The following CDH13 variants were observed in gnomAD, a reference collection of about 807,000 sequenced individuals.
CDH13 encodes the protein cadherin 13, also known as cadherin-13.
CDH13 carries 24 observed loss-of-function variants against 63.8 expected under a neutral mutation model. The ratio of observed to expected loss-of-function variants is 0.38; its 90% CI spans 0.27 to 0.53. CDH13 has a LOEUF of 0.53. CDH13 is among the 20% of genes least tolerant of loss of function. CDH13 has a pLI of 0.85. For synonymous variants in CDH13, 503 were observed against 355.3 expected, an observed-to-expected ratio of 1.42 and a Z score of -4.67; for missense variants, 1,049 against 903.1, an observed-to-expected ratio of 1.16 and a Z score of -2.07.
At position 83,287,192 on chromosome 16, in the gene CDH13, A is replaced by C. The variant is rs376404061; in HGVS notation, c.637-57670A>C. 7.2e-5 allele frequency among the ~76,000 whole-genome samples: 11 copies of C among 152,338 alleles called. No homozygotes were observed. The East Asian group carries it at 1.9e-3, about 27-fold the overall frequency. On this transcript the variant is annotated intron_variant, in intron 5 of 13. Transcript: ENST00000567109. ...AGAAAGGCCCAGGATGGCTAGAATG[A>C]AATCAGAGATATCCAGTAGGACCTG...
intron 5 of CDH13, among the ~76,000 whole-genome samples, chr16:83,248,487 A>G (rs1449370310): frequency 6.6e-6 from 1 of 152,176 alleles, no homozygotes; most frequent in Admixed American, 6.5e-5. Context: ...TCCCAGGGTT[A>G]GTAACTTAAA....
At chr16:83,354,727 C>T (rs1253172981) in intron 6 of CDH13, among the ~76,000 whole-genome samples, 2 of 152,162 alleles carry the variant, frequency 1.3e-5, no homozygotes, top group African/African-American at 2.4e-5. Flanking sequence ...GCAGGAATGA[C>T]CTGAGGGACG....
intron 7 of CDH13, among the ~76,000 whole-genome samples, chr16:83,511,094 A>G (rs9932463): frequency 8.6e-5 from 13 of 151,328 alleles, no homozygotes; most frequent in Admixed American, 4.6e-4. Context: ...GCACACACAC[A>G]TGCACACATG....
At chr16:83,607,450 C>A (rs1598361670) in intron 8 of CDH13, among the ~76,000 whole-genome samples, 1 of 152,194 alleles carries the variant, frequency 6.6e-6, no homozygotes, top group South Asian at 2.1e-4. Context: ...AAGCTCAATT[C>A]TTTAGTCCTC....
intron 4 of CDH13, among the ~76,000 whole-genome samples, chr16:83,195,610 G>A (rs1003113655): frequency 5.9e-5 from 9 of 151,978 alleles, no homozygotes; most frequent in South Asian, 2.1e-4. Context: ...GAAACCCCCC[G>A]CCGTGATCCC....
chr16:83,554,535 T>C (rs559266264), intron 7 of CDH13, among the ~76,000 whole-genome samples: 1 of 152,240 alleles, frequency 6.6e-6, no homozygotes, highest in South Asian at 2.1e-4. Context: ...TTTTTTTTAA[T>C]TAATAATCAA....
At chr16:83,331,685 G>A (rs1037697511) in intron 5 of CDH13, among the ~76,000 whole-genome samples, 6 of 152,242 alleles carry the variant, frequency 3.9e-5, no homozygotes, top group South Asian at 4.2e-4. Flanking sequence ...CTTGATAGTG[G>A]AATGCCTTTA....
At chr16:83,199,200 T>A (rs1035246354) in intron 4 of CDH13, among the ~76,000 whole-genome samples, 1 of 152,234 alleles carries the variant, frequency 6.6e-6, no homozygotes, top group Non-Finnish European at 1.5e-5. Context: ...TTGTGACAGT[T>A]AGCACCCACG....
intron 12 of CDH13, among the ~76,000 whole-genome samples, chr16:83,782,752 A>C (rs1915615428): frequency 6.6e-6 from 1 of 151,994 alleles, no homozygotes; most frequent in Non-Finnish European, 1.5e-5. Context: ...AAAAAAAAAA[A>C]AACTAAAGAC....
chr16:82,884,513 G>T (rs550365887), intron 2 of CDH13: 62 of 227,222 alleles, frequency 2.7e-4, no homozygotes, highest in Middle Eastern at 3.4e-3. Context: ...TAAGCCAGGG[G>T]ACACAGGAGG....
intron 2 of CDH13, among the ~76,000 whole-genome samples, chr16:82,980,586 A>G (rs1355153325): frequency 6.6e-6 from 1 of 152,204 alleles, no homozygotes; most frequent in Non-Finnish European, 1.5e-5. Context: ...TCTTAAGTCA[A>G]ACATCTCTTT....
intron 5 of CDH13, among the ~76,000 whole-genome samples, chr16:83,223,748 G>C (rs1173956577): frequency 6.6e-6 from 1 of 152,230 alleles, no homozygotes; most frequent in Non-Finnish European, 1.5e-5. Flanking sequence ...ATAGTTTTTA[G>C]TTTTTCCAGC....
At chr16:83,101,845 A>G (rs563508122) in intron 3 of CDH13, among the ~76,000 whole-genome samples, 1 of 152,232 alleles carries the variant, frequency 6.6e-6, no homozygotes, top group South Asian at 2.1e-4. Context: ...GGAGTAGGTG[A>G]CTTGTGAGGA....
intron 6 of CDH13, among the ~76,000 whole-genome samples, chr16:83,391,109 C>G (rs751480638): frequency 6.6e-6 from 1 of 152,216 alleles, no homozygotes; most frequent in Non-Finnish European, 1.5e-5. Flanking sequence ...ACCTCCTTCA[C>G]CATCTGCTGC....
chr16:82,783,066 G>T (rs554234270), intron 1 of CDH13, among the ~76,000 whole-genome samples: 1 of 152,204 alleles, frequency 6.6e-6, no homozygotes, highest in African/African-American at 2.4e-5. Context: ...GGAAGCAAAT[G>T]CTTGTTGACA....
At chr16:83,792,139 A>T (rs1467147612) in intron 13 of CDH13, among the ~76,000 whole-genome samples, 2 of 152,216 alleles carry the variant, frequency 1.3e-5, no homozygotes, top group South Asian at 4.1e-4. Context: ...ACGGCCTGCA[A>T]AGGCATTAAA....
intron 2 of CDH13, among the ~76,000 whole-genome samples, chr16:83,026,611 A>T (rs1032061467): frequency 1.1e-4 from 17 of 152,210 alleles, no homozygotes; most frequent in Non-Finnish European, 4.4e-5. Flanking sequence ...TTAGAAAAAA[A>T]TACTTAAAAG....
At chr16:83,564,396 C>CTG (rs1567767607) in intron 7 of CDH13, among the ~76,000 whole-genome samples, 1 of 49,864 alleles carries the variant, frequency 2.0e-5, no homozygotes. Context: ...TATGGGATGA[C>CTG]TCTTTTTTTT....
At chr16:82,817,126 G>A (rs950192109) in intron 1 of CDH13, among the ~76,000 whole-genome samples, 3 of 152,030 alleles carry the variant, frequency 2.0e-5, no homozygotes, top group African/African-American at 7.2e-5. Flanking sequence ...GTCCCATTCT[G>A]TACTTTGTCT....
Sources: gnomAD v4.1 joint callset for allele counts (sites outside exome capture counted in the v4.1 genomes callset) on GRCh38, gnomAD v4.1.1 for gene constraint, MANE v1.5 for transcripts, NCBI Gene and HGNC (gene_info 2026-07-23, HGNC 2026-07-21) for gene names.